Variants in NFIL3 observed in about 807,000 individuals in gnomAD.
NFIL3 encodes the protein nuclear factor, interleukin 3 regulated.
Under a neutral mutation model 10.0 loss-of-function variants are expected in NFIL3, and 5 were observed. The observed-to-expected ratio is 0.50, with a 90% CI of 0.26 to 1.06. The LOEUF is 1.06. NFIL3 is among the 50% of genes least tolerant of loss of function. The pLI is 0.13. For missense variants in NFIL3, 436 were observed against 547.6 expected, an observed-to-expected ratio of 0.80 and a Z score of 2.03; for synonymous variants, 202 against 206.5, an observed-to-expected ratio of 0.98 and a Z score of 0.19.
chr9:91,462,998 C>A, the NFIL3 span, among the ~76,000 whole-genome samples: 1 of 151,762 alleles, frequency 6.6e-6, no homozygotes, highest in Non-Finnish European at 1.5e-5. Flanking sequence ...TTGAAATATT[C>A]TTTATTATCC....
the NFIL3 span, among the ~76,000 whole-genome samples, chr9:91,471,486 C>CTTT: frequency 9.8e-5 from 13 of 132,096 alleles, no homozygotes; most frequent in African/African-American, 2.8e-4. Flanking sequence ...CAGTCTGTGT[C>CTTT]TTTTTTTTTT....
chr9:91,468,891 G>C, the NFIL3 span, among the ~76,000 whole-genome samples: 1 of 152,080 alleles, frequency 6.6e-6, no homozygotes, highest in African/African-American at 2.4e-5. Context: ...TGTTCCATTG[G>C]TCTTTATCTC....
chr9:91,455,318 T>G, the NFIL3 span, among the ~76,000 whole-genome samples: 206 of 152,340 alleles, frequency 1.4e-3, 1 homozygote, highest in Non-Finnish European at 2.6e-3. Flanking sequence ...ATGTTGAGTT[T>G]CTATTTCCCT....
At chr9:91,479,837 G>A in the NFIL3 span, among the ~76,000 whole-genome samples, 5 of 152,350 alleles carry the variant, frequency 3.3e-5, no homozygotes, top group South Asian at 2.1e-4. Context: ...TGGGAAAAGC[G>A]TAGTATCTGG....
the NFIL3 span, among the ~76,000 whole-genome samples, chr9:91,443,617 C>T: frequency 0.13 from 20,313 of 152,234 alleles, 1,501 homozygotes; most frequent in East Asian, 0.34. Context: ...GGCTCGACCA[C>T]GACTTTGCTC....
At chr9:91,458,562 A>AT in the NFIL3 span, among the ~76,000 whole-genome samples, 9 of 151,362 alleles carry the variant, frequency 5.9e-5, no homozygotes, top group African/African-American at 1.7e-4. Context: ...GAAGTTATCC[A>AT]TTTTTTTTAT....
the NFIL3 span, among the ~76,000 whole-genome samples, chr9:91,452,028 C>T: frequency 6.6e-6 from 1 of 152,132 alleles, no homozygotes; most frequent in Admixed American, 6.5e-5. Flanking sequence ...GAATGGAAGC[C>T]TCCTCTTGAC....
the NFIL3 span, among the ~76,000 whole-genome samples, chr9:91,458,048 C>T: frequency 6.6e-6 from 1 of 151,856 alleles, no homozygotes; most frequent in Non-Finnish European, 1.5e-5. Flanking sequence ...TTTTATATAT[C>T]AGTGACTTAG....
the NFIL3 span, among the ~76,000 whole-genome samples, chr9:91,433,328 C>T: frequency 6.6e-6 from 1 of 152,190 alleles, no homozygotes; most frequent in Non-Finnish European, 1.5e-5. Context: ...CTCCTCTGCA[C>T]ACTTGGGATT....
chr9:91,424,405 C>T (rs2118058432), upstream of NFIL3, among the ~76,000 whole-genome samples: 1 of 152,342 alleles, frequency 6.6e-6, no homozygotes, highest in African/African-American at 2.4e-5. Context: ...GAGGAGCCCT[C>T]TACCTTGGGG....
At chr9:91,482,665 C>G in the NFIL3 span, among the ~76,000 whole-genome samples, 1 of 151,976 alleles carries the variant, frequency 6.6e-6, no homozygotes, top group Non-Finnish European at 1.5e-5. Flanking sequence ...ACACGCCCGA[C>G]TAATTTTTGT....
At chr9:91,433,635 T>G in the NFIL3 span, among the ~76,000 whole-genome samples, 6 of 152,210 alleles carry the variant, frequency 3.9e-5, no homozygotes, top group African/African-American at 1.4e-4. Flanking sequence ...GAAGCGTCAA[T>G]ATCAGCACCT....
chr9:91,427,831 A>G (rs953456998), upstream of NFIL3, among the ~76,000 whole-genome samples: 13 of 151,692 alleles, frequency 8.6e-5, no homozygotes, highest in Admixed American at 2.6e-4. Context: ...TTTTTGTTAG[A>G]GTCAGTGTCT....
chr9:91,471,880 C>T, the NFIL3 span, among the ~76,000 whole-genome samples: 1 of 152,130 alleles, frequency 6.6e-6, no homozygotes, highest in Non-Finnish European at 1.5e-5. Flanking sequence ...CCTTCAGGAG[C>T]TCTTGTAAGA....
At chr9:91,434,996 TAAC>T in the NFIL3 span, among the ~76,000 whole-genome samples, 1 of 152,174 alleles carries the variant, frequency 6.6e-6, no homozygotes, top group Non-Finnish European at 1.5e-5. Context: ...GTAGGTGACA[TAAC>T]AGTATCCGTA....
At chr9:91,479,880 C>G in the NFIL3 span, among the ~76,000 whole-genome samples, 1 of 152,158 alleles carries the variant, frequency 6.6e-6, no homozygotes, top group African/African-American at 2.4e-5. Flanking sequence ...GGCACAGTCC[C>G]TCACGGCTTC....
the NFIL3 span, among the ~76,000 whole-genome samples, chr9:91,432,051 A>G: frequency 6.6e-6 from 1 of 151,886 alleles, no homozygotes; most frequent in Admixed American, 6.6e-5. Flanking sequence ...ACAGATGGGC[A>G]CCTCCCATCA....
At chr9:91,417,582 A>T (rs1308944311) in intron 1 of NFIL3, among the ~76,000 whole-genome samples, 4 of 152,240 alleles carry the variant, frequency 2.6e-5, no homozygotes, top group African/African-American at 9.7e-5. Context: ...ATAAGAAAAG[A>T]ATTCACTATA....
At chr9:91,430,427 A>G in the NFIL3 span, among the ~76,000 whole-genome samples, 1 of 152,114 alleles carries the variant, frequency 6.6e-6, no homozygotes, top group Non-Finnish European at 1.5e-5. Flanking sequence ...ACTACTTAGC[A>G]GGGGCCAGAA....
Sources: allele counts gnomAD v4.1 joint callset (sites outside exome capture counted in the v4.1 genomes callset), GRCh38; gene constraint gnomAD v4.1.1; transcripts MANE v1.5; gene names NCBI Gene and HGNC (gene_info 2026-07-23, HGNC 2026-07-21).